Variants in CDH13 observed in about 807,000 individuals in gnomAD.
CDH13 encodes the protein cadherin 13.
CDH13 carries 24 observed loss-of-function variants against 63.8 expected under a neutral mutation model. The ratio of observed to expected loss-of-function variants is 0.38; its 90% CI spans 0.27 to 0.53. The LOEUF (loss-of-function observed/expected upper bound fraction) is 0.53, where lower values mean the gene tolerates loss of function less well. Ranked by LOEUF, CDH13 falls within the 20% of genes least tolerant of loss-of-function variation. The probability of loss-of-function intolerance (pLI) is 0.85; values close to 1 mark genes in which losing one functional copy is unlikely to be tolerated. For synonymous variants in CDH13, 503 were observed against 355.3 expected (o/e 1.42, Z -4.67); for missense variants, 1,049 against 903.1 (o/e 1.16, Z -2.07).
intron 8 of CDH13, among the ~76,000 whole-genome samples, chr16:83,621,972 T>C (rs1284108527): frequency 3.3e-5 from 5 of 152,232 alleles, no homozygotes; most frequent in Non-Finnish European, 5.9e-5. Flanking sequence ...TGAAGTTGAT[T>C]AGCAACCTTG....
chr16:82,799,591 A>G (rs915887164), intron 1 of CDH13, among the ~76,000 whole-genome samples: 2 of 152,186 alleles, frequency 1.3e-5, no homozygotes, highest in African/African-American at 4.8e-5. Context: ...CTTACTTAGT[A>G]TTAGTTTATT....
intron 3 of CDH13, among the ~76,000 whole-genome samples, chr16:83,058,158 T>C (rs936842337): frequency 1.3e-5 from 2 of 152,180 alleles, no homozygotes; most frequent in Non-Finnish European, 2.9e-5. Context: ...CTTCATGAGT[T>C]ACGTCTTTTA....
chr16:83,469,476 A>G (rs549383665), intron 6 of CDH13, among the ~76,000 whole-genome samples: 112 of 152,264 alleles, frequency 7.4e-4, no homozygotes, highest in Non-Finnish European at 1.5e-3. Flanking sequence ...GCCCCACCCT[A>G]TATCTCAGCG....
chr16:82,905,903 C>G (rs1310823843), intron 2 of CDH13, among the ~76,000 whole-genome samples: 1 of 152,156 alleles, frequency 6.6e-6, no homozygotes, highest in Non-Finnish European at 1.5e-5. Context: ...GCAAAAGTTT[C>G]TCTCCTTTTT....
At chr16:83,365,389 A>G (rs1326877271) in intron 6 of CDH13, among the ~76,000 whole-genome samples, 3 of 152,208 alleles carry the variant, frequency 2.0e-5, no homozygotes, top group Non-Finnish European at 4.4e-5. Flanking sequence ...TCTCAGTCTA[A>G]TAATTCAAAT....
rs138996627 is a variant in CDH13 at position 82,982,284 on chromosome 16, A to T, written c.158-49726A>T. Among the ~76,000 whole-genome samples, 480 of 152,278 alleles carry T rather than the reference A, an allele frequency of 3.2e-3. 2 individuals carry two copies. The highest frequency in any genetic ancestry group is 0.011 in the African/African-American group (463 of 41,556). ...TCTTATAAATAATAAGATGTTATTT[A>T]TGCCAATAATATCTACAAGTTGACA... On this transcript the variant is annotated intron_variant, in intron 2 of 13. Coordinates refer to ENST00000567109, the MANE Select transcript of CDH13 (RefSeq NM_001257.5).
At chr16:82,631,655 G>A (rs1258782599) in intron 1 of CDH13, among the ~76,000 whole-genome samples, 2 of 152,222 alleles carry the variant, frequency 1.3e-5, no homozygotes, top group Non-Finnish European at 2.9e-5. Flanking sequence ...TGAACAGGCT[G>A]CACAGACAAT....
intron 1 of CDH13, among the ~76,000 whole-genome samples, chr16:82,668,374 T>C (rs1244547243): frequency 2.6e-5 from 4 of 152,138 alleles, no homozygotes; most frequent in Non-Finnish European, 4.4e-5. Context: ...TAAGCTGTTA[T>C]TGGTTCTAGA....
At chr16:83,379,881 T>A in intron 6 of CDH13, among the ~76,000 whole-genome samples, 1 of 149,824 alleles carries the variant, frequency 6.7e-6, no homozygotes, top group Admixed American at 6.7e-5. Context: ...AGATTATATG[T>A]GTGTGTATAT....
intron 3 of CDH13, among the ~76,000 whole-genome samples, chr16:83,045,615 C>T (rs754648831): frequency 1.5e-4 from 19 of 122,946 alleles, no homozygotes; most frequent in South Asian, 2.7e-4. Context: ...GTAGTCTGGG[C>T]GACAGATCAA....
At chr16:83,299,832 G>A (rs2089690072) in intron 5 of CDH13, among the ~76,000 whole-genome samples, 1 of 152,170 alleles carries the variant, frequency 6.6e-6, no homozygotes, top group Non-Finnish European at 1.5e-5. Flanking sequence ...ATAATGATGA[G>A]CTCACAGCTT....
chr16:82,950,281 A>G (rs979030259), intron 2 of CDH13, among the ~76,000 whole-genome samples: 14 of 152,072 alleles, frequency 9.2e-5, no homozygotes, highest in Admixed American at 7.9e-4. Flanking sequence ...TTCCCTTTGC[A>G]TGCCAGTCTC....
intron 2 of CDH13, among the ~76,000 whole-genome samples, chr16:83,000,572 C>G (rs112016995): frequency 7.5e-6 from 1 of 133,962 alleles, no homozygotes; most frequent in Non-Finnish European, 1.6e-5. Flanking sequence ...TTTTTCTTTT[C>G]TCTTTTTTTT....
intron 6 of CDH13, among the ~76,000 whole-genome samples, chr16:83,378,549 G>A (rs951637493): frequency 6.6e-6 from 1 of 152,202 alleles, no homozygotes; most frequent in Non-Finnish European, 1.5e-5. Context: ...ATGCAACTGT[G>A]AGTCTGTGTA....
chr16:83,164,114 G>T (rs749423790), intron 4 of CDH13, among the ~76,000 whole-genome samples: 1 of 152,010 alleles, frequency 6.6e-6, no homozygotes, highest in African/African-American at 2.4e-5. Context: ...TGACTCCAAA[G>T]CCCGTGTGCT....
intron 3 of CDH13, among the ~76,000 whole-genome samples, chr16:83,036,657 T>C (rs1916887117): frequency 6.6e-6 from 1 of 152,130 alleles, no homozygotes. Context: ...TGTGGCTGCC[T>C]GTAAATTCTG....
At chr16:83,046,000 T>C (rs1297385584) in intron 3 of CDH13, among the ~76,000 whole-genome samples, 2 of 152,258 alleles carry the variant, frequency 1.3e-5, no homozygotes, top group Non-Finnish European at 2.9e-5. Flanking sequence ...TGATGTGTGA[T>C]AGTTGCCAGG....
chr16:83,173,016 G>A (rs1036444286), intron 4 of CDH13, among the ~76,000 whole-genome samples: 5 of 152,108 alleles, frequency 3.3e-5, no homozygotes, highest in Admixed American at 6.6e-5. Context: ...GTTTTGCTTG[G>A]ATGTTACTAG....
chr16:83,361,710 C>T (rs190526211), intron 6 of CDH13, among the ~76,000 whole-genome samples: 16 of 152,150 alleles, frequency 1.1e-4, no homozygotes, highest in Middle Eastern at 3.4e-3. Context: ...TTATTTGTAT[C>T]GGCTTTGTGG....
Sources: gnomAD v4.1 joint callset for allele counts (sites outside exome capture counted in the v4.1 genomes callset) on GRCh38, gnomAD v4.1.1 for gene constraint, MANE v1.5 for transcripts, NCBI Gene and HGNC (gene_info 2026-07-23, HGNC 2026-07-21) for gene names.